The following VPS37A variants were observed in gnomAD, a reference collection of about 807,000 sequenced individuals.
VPS37A encodes VPS37A subunit of ESCRT-I, also known as vacuolar protein sorting-associated protein 37A.
Under a neutral mutation model 49.8 loss-of-function variants are expected in VPS37A, and 30 were observed. The ratio of observed to expected loss-of-function variants is 0.60; its 90% CI spans 0.45 to 0.82. The LOEUF (loss-of-function observed/expected upper bound fraction) is 0.82. Ranked by LOEUF, VPS37A falls within the 40% of genes least tolerant of loss-of-function variation. VPS37A has a pLI of 0.00. For synonymous variants in VPS37A, 195 were observed against 160.6 expected (o/e 1.21, Z -1.62); for missense variants, 593 against 464.4 (o/e 1.28, Z -2.55).
downstream of VPS37A, chr8:17,302,030 A>T (rs1817150385): frequency 1.3e-5 from 17 of 1,266,380 alleles, no homozygotes; most frequent in Non-Finnish European, 1.6e-5. Context: ...GTTGTGTTTC[A>T]GGTGTTCTAC....
intron 1 of VPS37A, among the ~76,000 whole-genome samples, chr8:17,254,556 T>C (rs1015638493): frequency 6.6e-5 from 10 of 152,210 alleles, no homozygotes; most frequent in Non-Finnish European, 1.3e-4. Flanking sequence ...TTAGAGGACC[T>C]TCAAACTGCT....
chr8:17,286,363 G>A lies in VPS37A; in HGVS notation c.1130G>A (p.Arg377Lys). ...ATTTTCTAGATTTGCCACTGTAGAA[G>A]AGCCAAGGAAGAGAAACTTCAGCAG... ...MEKRTICHCR[R>K]AKEEKLQQAI... The change falls in exon 11 of 12, where the codon AGA (arginine) becomes AAA (lysine). Residue 377 changes from arginine to lysine, a missense_variant. Coordinates refer to ENST00000324849, the MANE Select transcript of VPS37A (RefSeq NM_152415.3). 1.2e-6 allele frequency: 2 copies of A among 1,613,680 alleles called. No homozygotes were observed. Among genetic ancestry groups the A allele is most frequent in the Non-Finnish European group, 1.7e-6 (2 of 1,179,824 alleles).
intron 11 of VPS37A, among the ~76,000 whole-genome samples, chr8:17,292,990 A>G (rs550850396): frequency 6.0e-4 from 92 of 152,118 alleles, no homozygotes; most frequent in Non-Finnish European, 9.9e-4. Context: ...CTGAATTTGA[A>G]TGTTGGGCTG....
chr8:17,290,601 C>T (rs1185439437), intron 11 of VPS37A, among the ~76,000 whole-genome samples: 5 of 152,156 alleles, frequency 3.3e-5, no homozygotes, highest in Admixed American at 6.5e-5. Flanking sequence ...TGAGGATTTT[C>T]GCATTGATGT....
chr8:17,331,941 G>A, the VPS37A span, among the ~76,000 whole-genome samples: 1 of 152,142 alleles, frequency 6.6e-6, no homozygotes, highest in Non-Finnish European at 1.5e-5. Context: ...ATGAGAAGTT[G>A]GGGTCTCCAA....
chr8:17,279,394 T>G (rs1814823349), intron 6 of VPS37A, among the ~76,000 whole-genome samples: 1 of 152,090 alleles, frequency 6.6e-6, no homozygotes, highest in South Asian at 2.1e-4. Flanking sequence ...ATACATACAA[T>G]GAAATGACTA....
downstream of VPS37A, chr8:17,298,897 A>C (rs1425298381): frequency 6.6e-6 from 1 of 152,226 alleles, no homozygotes; most frequent in Non-Finnish European, 1.5e-5. Flanking sequence ...TTAGCCAGTT[A>C]CATAATTTCT....
At chr8:17,300,288 A>G, downstream of VPS37A, 2 of 1,490,464 alleles carry the variant, frequency 1.3e-6, no homozygotes, top group Non-Finnish European at 1.8e-6. Context: ...CTATATATGC[A>G]TGTCTTTAGC....
At chr8:17,279,675 T>C (rs1426637227) in intron 6 of VPS37A, 2 of 384,916 alleles carry the variant, frequency 5.2e-6, no homozygotes, top group East Asian at 1.4e-4. Flanking sequence ...CTTAGTTTCA[T>C]ACATTGTTCT....
At chr8:17,257,945 G>A (rs1034118033) in intron 1 of VPS37A, among the ~76,000 whole-genome samples, 2 of 151,910 alleles carry the variant, frequency 1.3e-5, no homozygotes, top group Admixed American at 1.3e-4. Flanking sequence ...TTTATTGTTA[G>A]CATATGTAAA....
chr8:17,253,851 TA>T, intron 1 of VPS37A, among the ~76,000 whole-genome samples: 1 of 152,312 alleles, frequency 6.6e-6, no homozygotes, highest in Middle Eastern at 3.4e-3. Flanking sequence ...TTTAATGTGC[TA>T]AAGTGGATCA....
At chr8:17,301,314 G>T (rs547113159), downstream of VPS37A, among the ~76,000 whole-genome samples, 240 of 152,296 alleles carry the variant, frequency 1.6e-3, 1 homozygote, top group African/African-American at 5.3e-3. Context: ...AGAAGGAAAA[G>T]AACAGAGTAA....
rs1010937161 is a variant in VPS37A, at chr8:17,296,581, A to G, written c.*1595A>G. 2 of 152,162 alleles carry G rather than the reference A, an allele frequency of 1.3e-5. No homozygotes were observed. Among genetic ancestry groups the G allele is most frequent in the Non-Finnish European group, 2.9e-5 (2 of 68,036 alleles). 9.4% of individuals were successfully genotyped at this position (152,162 alleles called of 1,614,324 possible). A position where few individuals can be genotyped will look rare whatever the true frequency, so the allele number is the denominator to read the frequency against. ...CCTAGAAACCAGGTAGGTGTATCCCATAACAAGGGAGGAGCATACCACAGC... is the reference window on the plus strand; with the variant it reads ...CCTAGAAACCAGGTAGGTGTATCCCGTAACAAGGGAGGAGCATACCACAGC... On this transcript the variant is annotated 3_prime_UTR_variant, in exon 12 of 12. Coordinates refer to ENST00000324849, the MANE Select transcript of VPS37A (RefSeq NM_152415.3).
At chr8:17,288,723 T>G (rs1044831675) in intron 11 of VPS37A, among the ~76,000 whole-genome samples, 1 of 152,228 alleles carries the variant, frequency 6.6e-6, no homozygotes, top group African/African-American at 2.4e-5. Context: ...TATAATACTT[T>G]GGGTATATAC....
At chr8:17,272,083 T>C in intron 4 of VPS37A, 1 of 456,718 alleles carries the variant, frequency 2.2e-6, no homozygotes, top group East Asian at 6.9e-5. Flanking sequence ...CTGTTTTCCA[T>C]ATTATTGCAT....
the VPS37A span, among the ~76,000 whole-genome samples, chr8:17,327,004 C>G: frequency 6.6e-6 from 1 of 152,224 alleles, no homozygotes. Context: ...TGCACATGCT[C>G]TCCTAGTCTT....
At chr8:17,318,384 C>T in the VPS37A span, among the ~76,000 whole-genome samples, 2 of 152,086 alleles carry the variant, frequency 1.3e-5, no homozygotes, top group African/African-American at 4.8e-5. Context: ...GAACAGCGTT[C>T]ATGATAATGG....
chr8:17,262,061 A>T (rs1813010194), intron 1 of VPS37A, among the ~76,000 whole-genome samples: 1 of 152,138 alleles, frequency 6.6e-6, no homozygotes, highest in Admixed American at 6.5e-5. Context: ...TTTCCAGTGT[A>T]GAAATCGTGA....
At chr8:17,311,906 T>A in the VPS37A span, 6 of 375,996 alleles carry the variant, frequency 1.6e-5, no homozygotes, top group African/African-American at 1.2e-4. Flanking sequence ...TAAGCATTCG[T>A]CCTATGCAAA....
Sources: gnomAD v4.1 joint callset for allele counts (sites outside exome capture counted in the v4.1 genomes callset) on GRCh38, gnomAD v4.1.1 for gene constraint, MANE v1.5 for transcripts, NCBI Gene and HGNC (gene_info 2026-07-23, HGNC 2026-07-21) for gene names.